ACSM1: variants seen among roughly 807,000 people sequenced by gnomAD.
The protein encoded by ACSM1 is acyl-CoA synthetase medium chain family member 1.
ACSM1 carries 79 observed loss-of-function variants against 75.8 expected under a neutral mutation model. That is an observed-to-expected ratio of 1.04 (90% confidence interval 0.87 to 1.26). ACSM1 has a LOEUF of 1.26. Ranked by LOEUF, ACSM1 falls within the 50% of genes most tolerant of loss-of-function variation. ACSM1 has a pLI of 0.00. For missense variants in ACSM1, 676 were observed against 720.1 expected (o/e 0.94, Z 0.70); for synonymous variants, 279 against 265.8 (o/e 1.05, Z -0.48).
chr16:20,639,961 A>G (rs374598164), intron 8 of ACSM1, among the ~76,000 whole-genome samples: 3 of 152,248 alleles, frequency 2.0e-5, no homozygotes, highest in South Asian at 2.1e-4. Flanking sequence ...CTCCGCCACA[A>G]TTTTCCCACT....
intron 6 of ACSM1, among the ~76,000 whole-genome samples, chr16:20,663,420 C>T (rs1186729131): frequency 2.0e-5 from 3 of 152,108 alleles, no homozygotes; most frequent in Non-Finnish European, 4.4e-5. Flanking sequence ...TCACAGCCTC[C>T]ATACCAGTGT....
intron 6 of ACSM1, among the ~76,000 whole-genome samples, chr16:20,665,322 A>G (rs2019510926): frequency 6.6e-6 from 1 of 152,150 alleles, no homozygotes; most frequent in South Asian, 2.1e-4. Context: ...GACACTATAA[A>G]TGGTCCCACA....
At chr16:20,687,679 T>C (rs2079577629) in intron 2 of ACSM1, among the ~76,000 whole-genome samples, 2 of 152,108 alleles carry the variant, frequency 1.3e-5, no homozygotes, top group South Asian at 4.1e-4. Flanking sequence ...TCAATTGTCT[T>C]AAATATGCTC....
chr16:20,688,750 C>G (rs543044727), intron 2 of ACSM1, among the ~76,000 whole-genome samples: 105 of 151,936 alleles, frequency 6.9e-4, no homozygotes, highest in African/African-American at 2.3e-3. Context: ...CTAGACTTGC[C>G]CCTACAAGAA....
In ACSM1 at chr16:20,623,357, T is replaced by A; in HGVS notation, c.*129A>T. ...ATTTAAAAGAAGGAAAACATTGGAA[T>A]CATGGCACTCCTGATACTTTCCCAA... On this transcript the variant is annotated 3_prime_UTR_variant, in exon 14 of 14. Transcript: ENST00000520010. 1 of 733,274 alleles carries A rather than the reference T, an allele frequency of 1.4e-6. No homozygotes were observed. The allele number at this position is 733,274 out of a possible 1,614,324, so 45.4% of individuals were successfully genotyped here.
rs145164314 is a variant in ACSM1 at position 20,630,205 on chromosome 16, C to T, written c.1300-2889G>A. On this transcript the variant is annotated intron_variant, in intron 10 of 13. Transcript: ENST00000520010. ...CACGATCTCAGCTCACCACAACCTC[C>T]GCCTCCAGTAGCTGGGATTACAGGC... Among the ~76,000 whole-genome samples the T allele has an allele frequency of 7.5e-3, 1,139 of 151,662 alleles. 20 individuals carry two copies. Among genetic ancestry groups the T allele is most frequent in the African/African-American group, 0.027 (1,111 of 41,334 alleles).
chr16:20,664,554 G>T (rs944687157), intron 6 of ACSM1, among the ~76,000 whole-genome samples: 8 of 152,096 alleles, frequency 5.3e-5, no homozygotes, highest in Admixed American at 5.2e-4. Flanking sequence ...CAAAAATAGT[G>T]GGGGACTTCA....
rs372260630 is a variant in ACSM1 at position 20,682,510 on chromosome 16, C to T, written c.404-47G>A. Reference sequence around the variant, plus strand: ...ATTGTTTTGGTTTCTTTTTCACAACCATGGGCTTTAGACTTGGCTTGTCTG... The same window carrying T: ...ATTGTTTTGGTTTCTTTTTCACAACTATGGGCTTTAGACTTGGCTTGTCTG... On this transcript the variant is annotated intron_variant, in intron 3 of 13. Coordinates refer to ENST00000520010, the MANE Select transcript of ACSM1 (RefSeq NM_001318890.3). 3.3e-4 allele frequency: 505 copies of T among 1,521,498 alleles called. 1 individual carries two copies. The highest frequency in any genetic ancestry group is 4.3e-4 in the Non-Finnish European group (472 of 1,100,562). The allele number at this position is 1,521,498 out of a possible 1,614,324, so 94.2% of individuals were successfully genotyped here.
At chr16:20,673,330 G>A (rs2020073647) in intron 4 of ACSM1, among the ~76,000 whole-genome samples, 1 of 151,962 alleles carries the variant, frequency 6.6e-6, no homozygotes, top group Non-Finnish European at 1.5e-5. Context: ...GAAACACTAG[G>A]TCTGCTGGTC....
At chr16:20,684,212 C>T (rs1276990831) in intron 3 of ACSM1, among the ~76,000 whole-genome samples, 1 of 152,030 alleles carries the variant, frequency 6.6e-6, no homozygotes, top group Non-Finnish European at 1.5e-5. Context: ...AGAAAATTTC[C>T]ATGTAAAACC....
chr16:20,680,470 A>G (rs140960960), intron 4 of ACSM1: 1 of 152,368 alleles, frequency 6.6e-6, no homozygotes, highest in African/African-American at 2.4e-5. Context: ...ACGTGGAGGA[A>G]CTAATATGGG....
At chr16:20,689,782 G>T (rs989448234) in intron 2 of ACSM1, among the ~76,000 whole-genome samples, 3 of 152,016 alleles carry the variant, frequency 2.0e-5, no homozygotes, top group African/African-American at 7.2e-5. Context: ...TTTCCAGTCT[G>T]GGCAATGAAA....
chr16:20,632,870 A>G (rs545375244), intron 10 of ACSM1, among the ~76,000 whole-genome samples: 40 of 152,310 alleles, frequency 2.6e-4, no homozygotes, highest in African/African-American at 9.4e-4. Context: ...GTTTCAACAT[A>G]CAAAAGTCAA....
intron 1 of ACSM1, among the ~76,000 whole-genome samples, chr16:20,696,882 G>C (rs543670472): frequency 6.6e-6 from 1 of 152,204 alleles, no homozygotes; most frequent in African/African-American, 2.4e-5. Flanking sequence ...GTTTGTCTCT[G>C]TTGTCTAGCA....
intron 10 of ACSM1, 25 bp downstream of exon 10, chr16:20,636,714 A>G: frequency 6.3e-7 from 1 of 1,578,464 alleles, no homozygotes; most frequent in South Asian, 1.1e-5. Flanking sequence ...TGGGGCCAGG[A>G]TGGGGGCAGA....
At chr16:20,667,280 AAT>A (rs1283859978) in intron 6 of ACSM1, among the ~76,000 whole-genome samples, 3 of 152,170 alleles carry the variant, frequency 2.0e-5, no homozygotes, top group African/African-American at 7.2e-5. Context: ...AATTAGAACT[AAT>A]ATCAGAATCT....
intron 7 of ACSM1, among the ~76,000 whole-genome samples, chr16:20,646,460 G>A (rs2524397): frequency 0.29 from 44,502 of 151,980 alleles, 7,963 homozygotes; most frequent in African/African-American, 0.5. Flanking sequence ...ACCATTGAGG[G>A]CCAGGGGGTT....
In ACSM1 at chr16:20,682,455, A is replaced by G. The variant is rs779844257; in HGVS notation, c.412T>C (p.Phe138Leu). The change falls in exon 4 of 14, where the codon TTC (phenylalanine) becomes CTC (leucine). Residue 138 changes from phenylalanine to leucine, a missense_variant. Physicochemically the swap from Phe to Leu is conservative, Grantham distance 22. Coordinates refer to ENST00000520010, the MANE Select transcript of ACSM1 (RefSeq NM_001318890.3). ...TTCAACAGGATGGTCGCAGGAATGA[A>G]GATGATCCCTGGGGATGAGAAAGGA... The part of the protein sequence containing the change: ...AVGCMRTGII[F>L]IPATILLKAK... 1 of 1,613,176 alleles carries G rather than the reference A, an allele frequency of 6.2e-7. No individual in the cohort carries two copies. Among genetic ancestry groups the G allele is most frequent in the Non-Finnish European group, 8.5e-7 (1 of 1,179,464 alleles).
intron 6 of ACSM1, among the ~76,000 whole-genome samples, chr16:20,668,420 T>G (rs2019696168): frequency 6.6e-6 from 1 of 151,972 alleles, no homozygotes; most frequent in Non-Finnish European, 1.5e-5. Context: ...TTGTGGTGCT[T>G]TAAGTCTCAG....
Sources: allele counts gnomAD v4.1 joint callset (sites outside exome capture counted in the v4.1 genomes callset), GRCh38; gene constraint gnomAD v4.1.1; transcripts MANE v1.5; gene names NCBI Gene and HGNC (gene_info 2026-07-23, HGNC 2026-07-21).